PLAGL1: variants seen among roughly 807,000 people sequenced by gnomAD.
PLAGL1 encodes the protein zinc finger protein PLAGL1.
Under a neutral mutation model 4.6 loss-of-function variants are expected in PLAGL1, and 1 was observed. That is an observed-to-expected ratio of 0.22 (90% confidence interval 0.08 to 1.03). The LOEUF is 1.03. Ranked by LOEUF, PLAGL1 falls within the 50% of genes least tolerant of loss-of-function variation. PLAGL1 has a pLI of 0.58. For missense variants in PLAGL1, 464 were observed against 570.4 expected (o/e 0.81, Z 1.90); for synonymous variants, 240 against 237.8 (o/e 1.01, Z -0.08).
intron 1 of PLAGL1, among the ~76,000 whole-genome samples, chr6:144,038,341 T>TC (rs1209522723): frequency 1.3e-5 from 2 of 152,188 alleles, no homozygotes; most frequent in African/African-American, 4.8e-5. Flanking sequence ...TTCCTAAAAT[T>TC]CATATGAAAA....
In PLAGL1 at chr6:144,056,740, C is replaced by T. The variant is rs1799005212; in HGVS notation, c.-151+7728G>A. 6.6e-6 allele frequency among the ~76,000 whole-genome samples: 1 copy of T among 152,214 alleles called. No homozygotes were observed. Among genetic ancestry groups the T allele is most frequent in the Non-Finnish European group, 1.5e-5 (1 of 68,046 alleles). On this transcript the variant is annotated intron_variant, in intron 1 of 3. Coordinates refer to the PLAGL1 transcript ENST00000437412. This position sits in a 1 kb window ranked among gnomAD's most constrained non-coding sequence, Gnocchi z 4.7. ...AGTGCAGTGGCACAATCACTACTCA[C>T]TGTAGCCATGACCTCTTGGGCTCAA...
rs1282495596 is a variant in PLAGL1 at position 143,982,823 on chromosome 6, A to G, written c.-544+2312T>C. Among the ~76,000 whole-genome samples, 1 of 152,160 alleles carries G rather than the reference A, an allele frequency of 6.6e-6. No homozygotes were observed. Among genetic ancestry groups the G allele is most frequent in the Admixed American group, 6.5e-5 (1 of 15,272 alleles). ...CTCGGTAAATGGCTACTTAGGATGA[A>G]GGAAGTTTGGTTGGGAACAGAGAAG... On this transcript the variant is annotated intron_variant, in intron 2 of 7. Coordinates refer to ENST00000674357, the MANE Select transcript of PLAGL1 (RefSeq NM_001317162.2). This position sits in a 1 kb window ranked among gnomAD's most constrained non-coding sequence, Gnocchi z 5.3.
chr6:144,058,780 A>G (rs1309979971), intron 1 of PLAGL1, among the ~76,000 whole-genome samples: 2 of 152,208 alleles, frequency 1.3e-5, no homozygotes, highest in African/African-American at 2.4e-5. Context: ...TCCTGCATCC[A>G]GGACACATGG....
chr6:144,025,903 A>G (rs1583764577), intron 1 of PLAGL1, among the ~76,000 whole-genome samples: 1 of 152,276 alleles, frequency 6.6e-6, no homozygotes, highest in East Asian at 1.9e-4. Flanking sequence ...AAATAAATAA[A>G]TGAATAAATA....
Position 143,941,357 on chromosome 6 carries a change from G to GTAAC in PLAGL1, c.*63_*66dup, listed in dbSNP as rs1778533167. 1.6e-6 allele frequency: 2 copies of GTAAC among 1,250,524 alleles called. No homozygotes were observed. The allele number at this position is 1,250,524 out of a possible 1,614,324, so 77.5% of individuals were successfully genotyped here. ...TCGTTTTCCAAATCTTTCTCATATT[G>GTAAC]TAACTGACATTTAAAATGCTTCTTA... On this transcript the variant is annotated 3_prime_UTR_variant, in exon 8 of 8. Coordinates refer to ENST00000674357, the MANE Select transcript of PLAGL1 (RefSeq NM_001317162.2). The surrounding 1 kb of genome is among the most constrained non-coding windows in gnomAD (Gnocchi z 6.0).
chr6:144,005,333 G>A lies in PLAGL1; in HGVS notation c.-584+2757C>T, dbSNP rs1370242363. The A allele has an allele frequency of 6.6e-6, 1 of 152,056 alleles. No homozygotes were observed. Among genetic ancestry groups the A allele is most frequent in the Non-Finnish European group, 1.5e-5 (1 of 67,982 alleles). 9.4% of individuals were successfully genotyped at this position (152,056 alleles called of 1,614,324 possible). A position where few individuals can be genotyped will look rare whatever the true frequency, so the allele number is the denominator to read the frequency against. ...ACAATATACTACATAGAAAGCAGCA[G>A]TAAATGAAAATCTGCAGTATTTTCA... On this transcript the variant is annotated intron_variant, in intron 1 of 7. Coordinates refer to ENST00000674357, the MANE Select transcript of PLAGL1 (RefSeq NM_001317162.2). The surrounding 1 kb of genome is among the most constrained non-coding windows in gnomAD (Gnocchi z 4.6).
At chr6:143,951,436 G>C (rs1320170639) in intron 6 of PLAGL1, among the ~76,000 whole-genome samples, 2 of 152,232 alleles carry the variant, frequency 1.3e-5, no homozygotes, top group Non-Finnish European at 2.9e-5. Context: ...AAGGACACAA[G>C]AGGTGGCAAG....
rs540898108 is a variant in PLAGL1, at chr6:143,947,287, C to G, written c.152+698G>C. ...CTCCTCCTAGCTTTACTCTCAGGAC[C>G]TGGATCAGCCCCCACATTTCATCCC... On this transcript the variant is annotated intron_variant, in intron 7 of 7. Transcript: ENST00000674357. This position sits in a 1 kb window ranked among gnomAD's most constrained non-coding sequence, Gnocchi z 4.3. Among the ~76,000 whole-genome samples, 1 of 152,316 alleles carries G rather than the reference C, an allele frequency of 6.6e-6. No homozygotes were observed. The highest frequency in any genetic ancestry group is 1.5e-5 in the Non-Finnish European group (1 of 68,022).
chr6:143,945,729 C>G lies in PLAGL1; in HGVS notation c.152+2256G>C, dbSNP rs138680071. Among the ~76,000 whole-genome samples, 3,828 of 152,264 alleles carry G rather than the reference C, an allele frequency of 0.025. 158 individuals carry two copies. The highest frequency in any genetic ancestry group is 0.087 in the African/African-American group (3,621 of 41,538). On this transcript the variant is annotated intron_variant, in intron 7 of 7. Transcript: ENST00000674357. The surrounding 1 kb of genome is among the most constrained non-coding windows in gnomAD (Gnocchi z 4.2). ...TGACCTCATGATCCACCCACCTCGG[C>G]CTCCCAAAGTGCTGGGATTACAGGC... is the stretch of plus-strand genomic sequence containing the variant.
At position 144,050,004 on chromosome 6, in the gene PLAGL1, G is replaced by A. The variant is rs1211770137; in HGVS notation, c.-151+14464C>T. ...TGGAGGGGAGGAAAGGTGCAGATGC[G>A]AAAAATGGCAGAAGGGGGAAAGGGT... is the stretch of plus-strand genomic sequence containing the variant. On this transcript the variant is annotated intron_variant, in intron 1 of 3. Coordinates refer to the PLAGL1 transcript ENST00000437412. The surrounding 1 kb of genome is among the most constrained non-coding windows in gnomAD (Gnocchi z 4.3). Among the ~76,000 whole-genome samples the A allele has an allele frequency of 3.9e-5, 6 of 152,116 alleles. No individual in the cohort carries two copies. Among genetic ancestry groups the A allele is most frequent in the East Asian group, 3.9e-4 (2 of 5,186 alleles).
In PLAGL1 at chr6:144,006,498, T is replaced by TG. The variant is rs1794216741; in HGVS notation, c.-584+1591dup. On this transcript the variant is annotated intron_variant, in intron 1 of 7. Coordinates refer to ENST00000674357, the MANE Select transcript of PLAGL1 (RefSeq NM_001317162.2). This position sits in a 1 kb window ranked among gnomAD's most constrained non-coding sequence, Gnocchi z 4.3. ...CTTTACTACTTTTAATGCCTATACA[T>TG]GCATCCCTAAACAACAGCTTTGCTC... The TG allele has an allele frequency of 6.6e-6, 1 of 152,158 alleles. No homozygotes were observed. Among genetic ancestry groups the TG allele is most frequent in the African/African-American group, 2.4e-5 (1 of 41,434 alleles). 9.4% of individuals were successfully genotyped at this position (152,158 alleles called of 1,614,324 possible).
chr6:144,007,613 C>G (rs1477009552), intron 1 of PLAGL1: 1 of 152,120 alleles, frequency 6.6e-6, no homozygotes, highest in African/African-American at 2.4e-5. Flanking sequence ...TAGGACCCCA[C>G]GTTTTTAAAT....
chr6:144,001,468 G>C (rs1051820715), intron 1 of PLAGL1, among the ~76,000 whole-genome samples: 1 of 152,118 alleles, frequency 6.6e-6, no homozygotes, highest in South Asian at 2.1e-4. Flanking sequence ...AATAATAATT[G>C]CTGCAGGCAA....
rs1405545289 is a variant in PLAGL1 at position 143,966,759 on chromosome 6, GA to G, written c.-471-562del. The G allele has an allele frequency of 3.9e-5, 6 of 152,120 alleles. No individual in the cohort carries two copies. Among genetic ancestry groups the G allele is most frequent in the Non-Finnish European group, 8.8e-5 (6 of 68,030 alleles). The allele number at this position is 152,120 out of a possible 1,614,324, so 9.4% of individuals were successfully genotyped here. On this transcript the variant is annotated intron_variant, in intron 3 of 7. Coordinates refer to ENST00000674357, the MANE Select transcript of PLAGL1 (RefSeq NM_001317162.2). This position sits in a 1 kb window ranked among gnomAD's most constrained non-coding sequence, Gnocchi z 6.0. ...TTCTAGCATTTTAAACATTGATAGA[GA>G]AATTATTTTCTTTTCTAATTTTAAT...
At chr6:143,992,899 A>G (rs1431108115) in intron 1 of PLAGL1, among the ~76,000 whole-genome samples, 3 of 151,802 alleles carry the variant, frequency 2.0e-5, no homozygotes, top group Non-Finnish European at 4.4e-5. Flanking sequence ...AATCACTTGA[A>G]CCTGGGAGGT....
chr6:144,062,687 C>G (rs979912169), intron 1 of PLAGL1, among the ~76,000 whole-genome samples: 25 of 152,236 alleles, frequency 1.6e-4, no homozygotes, highest in African/African-American at 4.6e-4. Context: ...GGTTATATTG[C>G]AGCCTGTTTT....
chr6:144,043,204 A>G (rs1797871208), intron 1 of PLAGL1, among the ~76,000 whole-genome samples: 3 of 152,142 alleles, frequency 2.0e-5, no homozygotes, highest in Admixed American at 2.0e-4. Flanking sequence ...AGAACTTCCA[A>G]CACTATGTTG....
chr6:143,973,503 G>A lies in PLAGL1; in HGVS notation c.-543-4525C>T, dbSNP rs188411107. Among the ~76,000 whole-genome samples, 7 of 152,232 alleles carry A rather than the reference G, an allele frequency of 4.6e-5. No individual in the cohort carries two copies. The highest frequency in any genetic ancestry group is 1.7e-4 in the African/African-American group (7 of 41,530). On this transcript the variant is annotated intron_variant, in intron 2 of 7. Transcript: ENST00000674357. The surrounding 1 kb of genome is among the most constrained non-coding windows in gnomAD (Gnocchi z 6.2). ...CGGGGGGAAGTCCTCTGCTTCTAGG[G>A]CCTGCTGAGCTTCAATGGCCCCCTG...
chr6:143,992,397 CTG>C (rs1302334698), intron 1 of PLAGL1, among the ~76,000 whole-genome samples: 1 of 152,188 alleles, frequency 6.6e-6, no homozygotes, highest in African/African-American at 2.4e-5. Context: ...AAAAAATAAA[CTG>C]TTTTTGAATG....
Sources: allele counts gnomAD v4.1 joint callset (sites outside exome capture counted in the v4.1 genomes callset), GRCh38; gene constraint gnomAD v4.1.1; non-coding constraint Gnocchi (gnomAD v3.1); transcripts MANE v1.5; gene names NCBI Gene and HGNC (gene_info 2026-07-23, HGNC 2026-07-21).